CHD5: variants seen among roughly 807,000 people sequenced by gnomAD.
CHD5 encodes ATP-dependent chromatin remodeler CHD5.
In CHD5, 69 loss-of-function variants were observed where a neutral mutation model predicts 230.3. That is an observed-to-expected ratio of 0.30 (90% CI 0.25 to 0.37). CHD5 has a LOEUF of 0.37. Ranked by LOEUF, CHD5 falls within the 10% of genes least tolerant of loss-of-function variation. The pLI is 1.00. For synonymous variants in CHD5, 1,064 were observed against 1,065.9 expected (o/e 1.00, Z 0.03); for missense variants, 1,827 against 2,622.8 (o/e 0.70, Z 6.63).
rs529823213 is a variant in CHD5, at chr1:6,146,778, C to T, written c.1477G>A (p.Val493Met). Residue 493 changes from valine to methionine, a missense_variant, in exon 10 of 42, where the codon GTG becomes ATG. Physicochemically the swap from Val to Met is conservative, Grantham distance 21. This residue lies in a region of CHD5 where 657 missense variants were observed against 816.4 expected (regional missense o/e 0.80). Transcript: ENST00000262450. The surrounding 1 kb of genome is among the most constrained non-coding windows in gnomAD (Gnocchi z 5.1). ...PFMVGLPGPD[V>M]EPSLPPPKPL... ...TTAGGTGGAGGGAGGCTGGGCTCCA[C>T]GTCAGGCCCCGGCAGCCCCACCATG... The T allele has an allele frequency of 3.1e-5, 49 of 1,600,616 alleles. No homozygotes were observed. The highest frequency in any genetic ancestry group is 1.7e-4 in the Middle Eastern group (1 of 6,012).
At chr1:6,152,691 C>A (rs1301963341) in intron 5 of CHD5, among the ~76,000 whole-genome samples, 155 bp from the exon 6 acceptor site, 1 of 152,218 alleles carries the variant, frequency 6.6e-6, no homozygotes, top group African/African-American at 2.4e-5. Flanking sequence ...GAGAGGTAAA[C>A]CCCTTGCTTA....
chr1:6,142,398 T>A lies in CHD5; in HGVS notation c.2235+16A>T, dbSNP rs759401658. 1 of 1,598,580 alleles carries A rather than the reference T, an allele frequency of 6.3e-7. No homozygotes were observed. On this transcript the variant is annotated intron_variant, in intron 14 of 41. Coordinates refer to ENST00000262450, the MANE Select transcript of CHD5 (RefSeq NM_015557.3). This position sits in a 1 kb window ranked among gnomAD's most constrained non-coding sequence, Gnocchi z 5.2. ...GGACCAGCCACCCCTCCTGGCCGCCTGCCCCGCCTGCCCACCTCCTTGTAG... is the reference window on the plus strand; with the variant it reads ...GGACCAGCCACCCCTCCTGGCCGCCAGCCCCGCCTGCCCACCTCCTTGTAG...
At chr1:6,108,217 G>A (rs1666227644) in intron 38 of CHD5, among the ~76,000 whole-genome samples, 1 of 144,394 alleles carries the variant, frequency 6.9e-6, no homozygotes, top group African/African-American at 2.6e-5. Context: ...GGATGATGGA[G>A]AGATGGACGG....
At chr1:6,132,009 C>T (rs1335957819) in intron 20 of CHD5, among the ~76,000 whole-genome samples, 1 of 152,222 alleles carries the variant, frequency 6.6e-6, no homozygotes, top group East Asian at 1.9e-4. Flanking sequence ...CCTGCTCCCA[C>T]CACACAGAAT....
In CHD5 at chr1:6,156,087, G is replaced by A. The variant is rs147859054; in HGVS notation, c.388-370C>T. Among the ~76,000 whole-genome samples, 584 of 152,332 alleles carry A rather than the reference G, an allele frequency of 3.8e-3. 4 individuals are homozygous for A. The highest frequency in any genetic ancestry group is 0.013 in the African/African-American group (558 of 41,578). On this transcript the variant is annotated intron_variant, in intron 3 of 41. Transcript: ENST00000262450. ...ATCCTGAGATAGGGCTGCCCGACCAGCCTCGGGACACCAGGGCAGGACAAC... is the reference window on the plus strand; with the variant it reads ...ATCCTGAGATAGGGCTGCCCGACCAACCTCGGGACACCAGGGCAGGACAAC...
Position 6,126,884 on chromosome 1 carries a change from C to G in CHD5, c.3904-138G>C, listed in dbSNP as rs60893083. 6.9e-6 allele frequency: 5 copies of G among 725,220 alleles called. No homozygotes were observed. The highest frequency in any genetic ancestry group is 1.1e-5 in the Non-Finnish European group (5 of 441,414). 44.9% of individuals were successfully genotyped at this position (725,220 alleles called of 1,614,324 possible). A position where few individuals can be genotyped will look rare whatever the true frequency, so the allele number is the denominator to read the frequency against. On this transcript the variant is annotated intron_variant, in intron 25 of 41. Transcript: ENST00000262450. The surrounding 1 kb of genome is among the most constrained non-coding windows in gnomAD (Gnocchi z 5.7). ...GGGATGGCCTGCCTACTCCAGGAAGCCTTCTCTGATCACCCCGGCCCTAGC... is the reference window on the plus strand; with the variant it reads ...GGGATGGCCTGCCTACTCCAGGAAGGCTTCTCTGATCACCCCGGCCCTAGC...
At chr1:6,132,910 C>CTCTCTCTCTT (rs1666680549) in intron 20 of CHD5, among the ~76,000 whole-genome samples, 1 of 151,110 alleles carries the variant, frequency 6.6e-6, no homozygotes, top group Admixed American at 6.6e-5. Context: ...CTCTCTCTCT[C>CTCTCTCTCTT]AAGAGACAGG....
intron 30 of CHD5, 63 bp downstream of exon 30, chr1:6,124,454 A>G: frequency 6.3e-7 from 1 of 1,579,220 alleles, no homozygotes; most frequent in Non-Finnish European, 8.7e-7. Context: ...CTGACCCACA[A>G]GGGACAGCAC....
rs151090595 is a variant in CHD5 at position 6,166,879 on chromosome 1, C to T, written c.207+1271G>A. On this transcript the variant is annotated intron_variant, in intron 2 of 41. Coordinates refer to ENST00000262450, the MANE Select transcript of CHD5 (RefSeq NM_015557.3). ...CCTTCCAGTGATCTCACCTTGTTCA[C>T]GGGACAAGAGGCCCATGGTGCACCA... Among the ~76,000 whole-genome samples, 223 of 152,264 alleles carry T rather than the reference C, an allele frequency of 1.5e-3. 1 individual carries two copies. The highest frequency in any genetic ancestry group is 5.2e-3 in the African/African-American group (217 of 41,536).
Position 6,180,052 on chromosome 1 carries a change from C to T in CHD5, c.-29G>A, listed in dbSNP as rs1168175080. On this transcript the variant is annotated 5_prime_UTR_variant, in exon 1 of 42. Coordinates refer to ENST00000262450, the MANE Select transcript of CHD5 (RefSeq NM_015557.3). ...CGGCGCGGGGAGGAGGGGAGGTGGG[C>T]GCCCCCCCTCCCGCCGGGCGCGGTG... The T allele has an allele frequency of 1.6e-6, 2 of 1,219,282 alleles. No individual in the cohort carries two copies. The highest frequency in any genetic ancestry group is 2.1e-6 in the Non-Finnish European group (2 of 954,338). 75.5% of individuals were successfully genotyped at this position (1,219,282 alleles called of 1,614,324 possible). A position where few individuals can be genotyped will look rare whatever the true frequency, so the allele number is the denominator to read the frequency against.
intron 12 of CHD5, 24 bp from the exon 13 acceptor site, chr1:6,143,955 G>A (rs770010835): frequency 2.5e-6 from 4 of 1,614,120 alleles, no homozygotes; most frequent in East Asian, 2.2e-5. Context: ...TTGGAGGCAG[G>A]TGAGCAAGGC....
intron 2 of CHD5, among the ~76,000 whole-genome samples, chr1:6,161,150 T>G (rs887653788): frequency 1.3e-5 from 2 of 149,612 alleles, no homozygotes; most frequent in Non-Finnish European, 3.0e-5. Context: ...AAGGAAAGGG[T>G]GGCAGAAGGA....
chr1:6,128,593 G>A lies in CHD5; in HGVS notation c.3636C>T (p.Gly1212=), dbSNP rs957528249. 10 of 1,613,358 alleles carry A rather than the reference G, an allele frequency of 6.2e-6. No homozygotes were observed. In the African/African-American group the frequency reaches 1.3e-4, roughly 22 times the overall value. ...CAGGGATGGGTGTGACCGGCCTCTGGCCCTGAGACATCATGCCTGTCAGAC... is the reference window on the plus strand; with the variant it reads ...CAGGGATGGGTGTGACCGGCCTCTGACCCTGAGACATCATGCCTGTCAGAC... ...KDDVEGMMSQ[G]QRPVTPIPDV... The change falls in exon 24 of 42, where the codon GGC becomes GGT. Residue 1212 remains glycine (G), a synonymous_variant. Coordinates refer to ENST00000262450, the MANE Select transcript of CHD5 (RefSeq NM_015557.3). This position sits in a 1 kb window ranked among gnomAD's most constrained non-coding sequence, Gnocchi z 7.8.
At position 6,142,914 on chromosome 1, in the gene CHD5, T is replaced by TTCAC. The variant is rs1666849925; in HGVS notation, c.2044-313_2044-310dup. Among the ~76,000 whole-genome samples, 1 of 152,222 alleles carries TTCAC rather than the reference T, an allele frequency of 6.6e-6. No individual in the cohort carries two copies. Among genetic ancestry groups the TTCAC allele is most frequent in the Non-Finnish European group, 1.5e-5 (1 of 68,038 alleles). ...GGTTGTCATCACCACCTTGGTCCTG[T>TTCAC]TCACTGCCTCCTCTTGAGTACCACA... On this transcript the variant is annotated intron_variant, in intron 13 of 41. Coordinates refer to ENST00000262450, the MANE Select transcript of CHD5 (RefSeq NM_015557.3). This position sits in a 1 kb window ranked among gnomAD's most constrained non-coding sequence, Gnocchi z 5.2.
intron 33 of CHD5, among the ~76,000 whole-genome samples, chr1:6,114,404 T>C (rs915620444): frequency 6.6e-6 from 1 of 152,112 alleles, no homozygotes; most frequent in Non-Finnish European, 1.5e-5. Context: ...TGTCCAATCT[T>C]TCGGCTTCCC....
rs563558716 is a variant in CHD5, at chr1:6,164,049, A to C, written c.207+4101T>G. 3.3e-4 allele frequency among the ~76,000 whole-genome samples: 51 copies of C among 152,298 alleles called. No homozygotes were observed. In the East Asian group the frequency reaches 9.5e-3, roughly 28 times the overall value. On this transcript the variant is annotated intron_variant, in intron 2 of 41. Coordinates refer to ENST00000262450, the MANE Select transcript of CHD5 (RefSeq NM_015557.3). The stretch of plus-strand genomic sequence containing the variant: ...GGAGGGGTCTCTGCTCTGAGCCCCC[A>C]CCCTGCTGAGGGCACAGCATGTGGT...
chr1:6,118,318 T>C (rs921772552), intron 33 of CHD5, among the ~76,000 whole-genome samples: 2 of 144,934 alleles, frequency 1.4e-5, no homozygotes, highest in African/African-American at 5.2e-5. Flanking sequence ...GTCAAGGCTG[T>C]AGTTAAGCCA....
chr1:6,144,459 G>A lies in CHD5; in HGVS notation c.1803-304C>T, dbSNP rs535878602. On this transcript the variant is annotated intron_variant, in intron 11 of 41. Coordinates refer to ENST00000262450, the MANE Select transcript of CHD5 (RefSeq NM_015557.3). ...TCTGTGGCAGGGATGAATCCCATTT[G>A]TCACAGGGTCTGGATTTTCACAGGA... 1.3e-4 allele frequency among the ~76,000 whole-genome samples: 20 copies of A among 152,346 alleles called. No homozygotes were observed. In the South Asian group the frequency reaches 4.1e-3, roughly 32 times the overall value.
rs544328791 is a variant in CHD5 at position 6,130,568 on chromosome 1, C to G, written c.3263-240G>C. On this transcript the variant is annotated intron_variant, in intron 21 of 41. Transcript: ENST00000262450. This position sits in a 1 kb window ranked among gnomAD's most constrained non-coding sequence, Gnocchi z 4.9. ...TGAGCCCTAGTGCAGTGGGAGGGCA[C>G]TGGAACGAGGAGGTCAATTTTCAAA... is the stretch of plus-strand genomic sequence containing the variant. Among the ~76,000 whole-genome samples, 1 of 152,226 alleles carries G rather than the reference C, an allele frequency of 6.6e-6. No individual in the cohort carries two copies. Among genetic ancestry groups the G allele is most frequent in the East Asian group, 1.9e-4 (1 of 5,186 alleles).
Sources: allele counts gnomAD v4.1 joint callset (sites outside exome capture counted in the v4.1 genomes callset), GRCh38; gene constraint gnomAD v4.1.1; regional missense constraint gnomAD v4.1.1; non-coding constraint Gnocchi (gnomAD v3.1); transcripts MANE v1.5; gene names NCBI Gene and HGNC (gene_info 2026-07-23, HGNC 2026-07-21).